The following CELF2 variants were observed in gnomAD, a reference collection of about 807,000 sequenced individuals.
The protein encoded by CELF2 is CUG triplet repeat RNA-binding protein 2.
In CELF2, 8 loss-of-function variants were observed where a neutral mutation model predicts 62.6. That is an observed-to-expected ratio of 0.13 (90% CI 0.07 to 0.23). CELF2 has a LOEUF of 0.23. Among genes scored for constraint, CELF2 ranks in the 10% least tolerant of loss-of-function variants. The pLI, the probability that CELF2 is intolerant of heterozygous loss-of-function variation, is 1.00. For synonymous variants in CELF2, 258 were observed against 250.0 expected (o/e 1.03, Z -0.30); for missense variants, 333 against 671.0 (o/e 0.50, Z 5.56).
rs1206334974 is a variant in CELF2, at chr10:11,331,247, TTGA to T, written c.*2196_*2198del. On this transcript the variant is annotated 3_prime_UTR_variant, in exon 13 of 13. Coordinates refer to ENST00000633077, the MANE Select transcript of CELF2 (RefSeq NM_001326342.2). Reference sequence around the variant, plus strand: ...TCATCATGAGTCTTAATGTTCTTTGTTGATAAGACAAGTTTAGAATTGGTTTAC... The same window carrying T: ...TCATCATGAGTCTTAATGTTCTTTGTTAAGACAAGTTTAGAATTGGTTTAC... The T allele has an allele frequency of 6.6e-6, 1 of 151,784 alleles. No individual in the cohort carries two copies. Among genetic ancestry groups the T allele is most frequent in the African/African-American group, 2.4e-5 (1 of 41,122 alleles). The allele number at this position is 151,784 out of a possible 1,614,324, so 9.4% of individuals were successfully genotyped here. A position where few individuals can be genotyped will look rare whatever the true frequency, so the allele number is the denominator to read the frequency against.
At chr10:10,543,466 G>A in the CELF2 span, among the ~76,000 whole-genome samples, 1 of 152,190 alleles carries the variant, frequency 6.6e-6, no homozygotes, top group East Asian at 1.9e-4. Context: ...AAGTTTCTGT[G>A]TTTAAGAGGA....
intron 1 of CELF2, among the ~76,000 whole-genome samples, chr10:11,143,427 T>A (rs994459949): frequency 6.6e-6 from 1 of 152,230 alleles, no homozygotes; most frequent in Non-Finnish European, 1.5e-5. Context: ...GATCGCCATA[T>A]GTGTGCTTCC....
chr10:10,519,588 A>G, the CELF2 span, among the ~76,000 whole-genome samples: 1 of 152,214 alleles, frequency 6.6e-6, no homozygotes, highest in African/African-American at 2.4e-5. Context: ...AATGCCTGCA[A>G]TGTTCCTGTC....
intron 1 of CELF2, among the ~76,000 whole-genome samples, chr10:10,894,488 A>C (rs1446078773): frequency 6.6e-6 from 1 of 152,250 alleles, no homozygotes; most frequent in Non-Finnish European, 1.5e-5. Flanking sequence ...TCAAAGCCAC[A>C]GATATATGGC....
At chr10:11,082,723 A>C (rs1450155380) in intron 1 of CELF2, among the ~76,000 whole-genome samples, 2 of 152,198 alleles carry the variant, frequency 1.3e-5, no homozygotes, top group Non-Finnish European at 2.9e-5. Context: ...ACATTCTTTG[A>C]GCTCTTGGCA....
At chr10:10,527,806 A>T in the CELF2 span, among the ~76,000 whole-genome samples, 1 of 152,236 alleles carries the variant, frequency 6.6e-6, no homozygotes, top group Non-Finnish European at 1.5e-5. Context: ...GCACATACAC[A>T]GGGCCAAGCT....
At chr10:10,850,025 G>A (rs2059284972) in intron 1 of CELF2, among the ~76,000 whole-genome samples, 1 of 151,978 alleles carries the variant, frequency 6.6e-6, no homozygotes, top group Non-Finnish European at 1.5e-5. Context: ...GCGGGTGCCT[G>A]TAATCCCAGC....
intron 2 of CELF2, among the ~76,000 whole-genome samples, chr10:10,930,774 T>A (rs1018269182): frequency 6.6e-6 from 1 of 152,238 alleles, no homozygotes; most frequent in African/African-American, 2.4e-5. Context: ...TTCTCCTGTA[T>A]TTAAAGGGGC....
chr10:11,139,603 A>G lies in CELF2; in HGVS notation c.75-25883A>G, dbSNP rs114788472. ...TGATTTTTATGTAAAAATGTAACCT[A>G]CAAGGAAGGTATCGCTCAAGCTTGT... On this transcript the variant is annotated intron_variant, in intron 1 of 12. Coordinates refer to ENST00000633077, the MANE Select transcript of CELF2 (RefSeq NM_001326342.2). Among the ~76,000 whole-genome samples the G allele has an allele frequency of 3.7e-3, 557 of 152,360 alleles. 2 individuals carry two copies. The highest frequency in any genetic ancestry group is 0.013 in the African/African-American group (535 of 41,568).
chr10:10,622,180 C>T, the CELF2 span, among the ~76,000 whole-genome samples: 3 of 152,180 alleles, frequency 2.0e-5, no homozygotes, highest in African/African-American at 7.2e-5. Context: ...GTAAAAGCAC[C>T]ACAAGGCCTG....
At chr10:10,469,903 T>C in the CELF2 span, among the ~76,000 whole-genome samples, 40 of 151,996 alleles carry the variant, frequency 2.6e-4, 1 homozygote, top group African/African-American at 9.2e-4. Flanking sequence ...ACTTGTATAA[T>C]TCATCTGAGT....
chr10:11,328,781 C>CA lies in CELF2; in HGVS notation c.1439-144dup, dbSNP rs1213502096. On this transcript the variant is annotated intron_variant, in intron 12 of 12. Coordinates refer to ENST00000633077, the MANE Select transcript of CELF2 (RefSeq NM_001326342.2). This position sits in a 1 kb window ranked among gnomAD's most constrained non-coding sequence, Gnocchi z 6.4. ...CCCCATCATCCACTCACGGTGGACT[C>CA]ACGATCAGTTCCGCAGAGCTGTGCT... The CA allele has an allele frequency of 1.1e-5, 9 of 823,802 alleles. No individual in the cohort carries two copies. In the African/African-American group the frequency reaches 1.4e-4, roughly 13 times the overall value. The allele number at this position is 823,802 out of a possible 1,614,324, so 51.0% of individuals were successfully genotyped here.
At chr10:10,668,636 A>C in the CELF2 span, among the ~76,000 whole-genome samples, 99,799 of 152,068 alleles carry the variant, frequency 0.66, 33,706 homozygotes, top group South Asian at 0.79. Flanking sequence ...CTTTGTTATT[A>C]TTTGCTTTTC....
chr10:11,131,445 G>T (rs879028089), intron 1 of CELF2, among the ~76,000 whole-genome samples: 2 of 152,164 alleles, frequency 1.3e-5, no homozygotes, highest in Non-Finnish European at 2.9e-5. Flanking sequence ...AACTGTTGGG[G>T]TTATCCTGGA....
At chr10:11,136,934 C>T (rs892162287) in intron 1 of CELF2, among the ~76,000 whole-genome samples, 1 of 152,148 alleles carries the variant, frequency 6.6e-6, no homozygotes, top group African/African-American at 2.4e-5. Flanking sequence ...TATTATCCAA[C>T]CATAAAGCAA....
chr10:10,509,673 T>G, the CELF2 span, among the ~76,000 whole-genome samples: 1 of 152,170 alleles, frequency 6.6e-6, no homozygotes, highest in Non-Finnish European at 1.5e-5. Flanking sequence ...CCTTTGACTC[T>G]AGAAAATAAT....
the CELF2 span, among the ~76,000 whole-genome samples, chr10:10,701,401 C>T: frequency 6.6e-6 from 1 of 152,210 alleles, no homozygotes; most frequent in Non-Finnish European, 1.5e-5. Context: ...GTTCACTTGT[C>T]AGAAAGGGTC....
intron 1 of CELF2, among the ~76,000 whole-genome samples, chr10:11,032,401 T>C (rs978891114): frequency 6.6e-6 from 1 of 152,116 alleles, no homozygotes; most frequent in African/African-American, 2.4e-5. Flanking sequence ...GGGAATCGCT[T>C]GAGGCCAGGA....
chr10:10,858,975 C>A (rs2059907980), intron 1 of CELF2, among the ~76,000 whole-genome samples: 1 of 152,052 alleles, frequency 6.6e-6, no homozygotes, highest in Non-Finnish European at 1.5e-5. Context: ...TTTTTAGATA[C>A]CCACAAGTGG....
Sources: allele counts gnomAD v4.1 joint callset (sites outside exome capture counted in the v4.1 genomes callset), GRCh38; gene constraint gnomAD v4.1.1; non-coding constraint Gnocchi (gnomAD v3.1); transcripts MANE v1.5; gene names NCBI Gene and HGNC (gene_info 2026-07-23, HGNC 2026-07-21).